The following TMEM38B variants were observed in gnomAD, a reference collection of about 807,000 sequenced individuals.
The protein encoded by TMEM38B is transmembrane protein 38B, also known as trimeric intracellular cation channel type B.
In TMEM38B, 24 loss-of-function variants were observed where a neutral mutation model predicts 28.7. The observed-to-expected ratio is 0.84, with a 90% CI of 0.61 to 1.18. The LOEUF is 1.18. Ranked by LOEUF, TMEM38B falls within the 50% of genes most tolerant of loss-of-function variation. The pLI is 0.00. For missense variants in TMEM38B, 380 were observed against 350.9 expected, an observed-to-expected ratio of 1.08 and a Z score of -0.66; for synonymous variants, 131 against 127.7, an observed-to-expected ratio of 1.03 and a Z score of -0.17.
At chr9:105,718,368 A>T (rs1836188435) in intron 2 of TMEM38B, among the ~76,000 whole-genome samples, 1 of 151,750 alleles carries the variant, frequency 6.6e-6, no homozygotes, top group Non-Finnish European at 1.5e-5. Context: ...CCTCCCAAGT[A>T]GCTGGGATTA....
chr9:105,758,271 C>G lies in TMEM38B; in HGVS notation c.660+10081C>G, dbSNP rs538387827. On this transcript the variant is annotated intron_variant, in intron 5 of 5. Coordinates refer to ENST00000374692, the MANE Select transcript of TMEM38B (RefSeq NM_018112.3). The stretch of plus-strand genomic sequence containing the variant: ...TACTTTACCAGTGTGGACACTGAGG[C>G]TCACAGACGTTAAATCCTTCTAAAG... 4 of 674,812 alleles carry G rather than the reference C, an allele frequency of 5.9e-6. No individual in the cohort carries two copies. In the East Asian group the frequency reaches 1.0e-4, roughly 17 times the overall value. The allele number at this position is 674,812 out of a possible 1,614,324, so 41.8% of individuals were successfully genotyped here. A position where few individuals can be genotyped will look rare whatever the true frequency, so the allele number is the denominator to read the frequency against.
In TMEM38B at chr9:105,738,715, C is replaced by CTTT. The variant is rs71489351; in HGVS notation, c.543-9339_543-9337dup. ...CAGATCCATATGAGTTAATTTTTTC[C>CTTT]TTTTTTTTTTTTTTTTTTTTTGAGA... On this transcript the variant is annotated intron_variant, in intron 4 of 5. Coordinates refer to ENST00000374692, the MANE Select transcript of TMEM38B (RefSeq NM_018112.3). Among the ~76,000 whole-genome samples, 27 of 109,658 alleles carry CTTT rather than the reference C, an allele frequency of 2.5e-4. 1 individual carries two copies. The highest frequency in any genetic ancestry group is 3.1e-4 in the South Asian group (1 of 3,270). 71.9% of individuals were successfully genotyped at this position (109,658 alleles called of 152,430 possible).
Position 105,758,247 on chromosome 9 carries a change from A to G in TMEM38B, c.660+10057A>G, listed in dbSNP as rs979033686. The G allele has an allele frequency of 2.1e-5, 14 of 665,154 alleles. No individual in the cohort carries two copies. The Admixed American group carries it at 2.9e-4, about 14-fold the overall frequency. The allele number at this position is 665,154 out of a possible 1,614,324, so 41.2% of individuals were successfully genotyped here. A position where few individuals can be genotyped will look rare whatever the true frequency, so the allele number is the denominator to read the frequency against. ...CAGGCGGGCATGTATTATTCGTCCT[A>G]CTTTACCAGTGTGGACACTGAGGCT... On this transcript the variant is annotated intron_variant, in intron 5 of 5. Coordinates refer to ENST00000374692, the MANE Select transcript of TMEM38B (RefSeq NM_018112.3).
intron 2 of TMEM38B, among the ~76,000 whole-genome samples, chr9:105,709,671 G>C (rs17281274): frequency 0.19 from 29,605 of 152,172 alleles, 2,961 homozygotes; most frequent in Middle Eastern, 0.31. Context: ...CTCTTAGCTG[G>C]ATGTCGAATA....
Position 105,694,623 on chromosome 9 carries a change from A to G in TMEM38B, c.-38A>G, listed in dbSNP as rs1564380346. 2 of 1,568,158 alleles carry G rather than the reference A, an allele frequency of 1.3e-6. No homozygotes were observed. The highest frequency in any genetic ancestry group is 2.2e-5 in the South Asian group (2 of 90,084). ...CACCGCGCGAGCGCGGGGAACCAGTAGCCGCGGCTGCTTCGGTTGCCGCGG... is the reference window on the plus strand; with the variant it reads ...CACCGCGCGAGCGCGGGGAACCAGTGGCCGCGGCTGCTTCGGTTGCCGCGG... On this transcript the variant is annotated 5_prime_UTR_variant, in exon 1 of 6. Transcript: ENST00000374692.
intron 2 of TMEM38B, 27 bp from the exon 3 acceptor site, chr9:105,721,510 A>T: frequency 1.3e-6 from 2 of 1,502,834 alleles, no homozygotes; most frequent in Non-Finnish European, 1.8e-6. Context: ...CCATTAATAT[A>T]TTAAAATGTT....
rs114094068 is a variant in TMEM38B at position 105,759,121 on chromosome 9, C to T, written c.660+10931C>T. 1.4e-3 allele frequency: 1,133 copies of T among 781,754 alleles called. 16 individuals carry two copies. The African/African-American group carries it at 0.017, about 12-fold the overall frequency. The allele number at this position is 781,754 out of a possible 1,614,324, so 48.4% of individuals were successfully genotyped here. A position where few individuals can be genotyped will look rare whatever the true frequency, so the allele number is the denominator to read the frequency against. ...CCAAGAAGTGATGATACGAATAATC[C>T]AACTTATGTTGGATTTGAACAAGAT... is the stretch of plus-strand genomic sequence containing the variant. On this transcript the variant is annotated intron_variant, in intron 5 of 5. Transcript: ENST00000374692.
chr9:105,747,283 T>C (rs1396147256), intron 4 of TMEM38B, among the ~76,000 whole-genome samples: 13 of 152,318 alleles, frequency 8.5e-5, no homozygotes, highest in African/African-American at 2.6e-4. Flanking sequence ...AGAGATTCAA[T>C]TTCTTCCTGG....
chr9:105,762,545 A>G (rs1464154241), intron 5 of TMEM38B, among the ~76,000 whole-genome samples: 1 of 147,604 alleles, frequency 6.8e-6, no homozygotes, highest in African/African-American at 2.5e-5. Flanking sequence ...ACTGAGAATG[A>G]TGATTTCCAA....
chr9:105,730,460 G>T (rs975732971), intron 4 of TMEM38B, among the ~76,000 whole-genome samples: 2 of 152,114 alleles, frequency 1.3e-5, no homozygotes. Context: ...TGTGCTGCTG[G>T]ATTTGGTTTG....
intron 5 of TMEM38B, chr9:105,758,898 T>C: frequency 1.7e-6 from 2 of 1,154,584 alleles, no homozygotes; most frequent in South Asian, 1.2e-5. Flanking sequence ...AATTTGGAGA[T>C]ATGTTATTCT....
At chr9:105,738,577 GTTTC>G (rs1837069273) in intron 4 of TMEM38B, among the ~76,000 whole-genome samples, 2 of 151,840 alleles carry the variant, frequency 1.3e-5, no homozygotes, top group Non-Finnish European at 2.9e-5. Flanking sequence ...CTATTTTCTT[GTTTC>G]TTATGCTTTT....
At chr9:105,734,999 G>T (rs1836918900) in intron 4 of TMEM38B, among the ~76,000 whole-genome samples, 1 of 150,492 alleles carries the variant, frequency 6.6e-6, no homozygotes, top group Non-Finnish European at 1.5e-5. Context: ...TAGATCCTTT[G>T]TTCCTTTCTT....
At chr9:105,747,991 A>G in intron 4 of TMEM38B, 82 bp from the exon 5 acceptor site, 2 of 878,082 alleles carry the variant, frequency 2.3e-6, no homozygotes, top group Non-Finnish European at 3.7e-6. Context: ...CATTAAGTTA[A>G]TGTTTTGCAG....
At chr9:105,733,581 G>A (rs1300911831) in intron 4 of TMEM38B, among the ~76,000 whole-genome samples, 1 of 152,000 alleles carries the variant, frequency 6.6e-6, no homozygotes, top group Non-Finnish European at 1.5e-5. Flanking sequence ...ATTCAGCTGT[G>A]AAGCCATCTA....
chr9:105,758,350 T>C, intron 5 of TMEM38B: 1 of 948,932 alleles, frequency 1.1e-6, no homozygotes, highest in Admixed American at 1.7e-5. Context: ...GGTATGGCGA[T>C]CTTACATGGA....
At chr9:105,720,961 C>T (rs1836296270) in intron 2 of TMEM38B, among the ~76,000 whole-genome samples, 1 of 152,076 alleles carries the variant, frequency 6.6e-6, no homozygotes, top group South Asian at 2.1e-4. Context: ...TAAAGAACAG[C>T]TTCATATTCT....
intron 1 of TMEM38B, among the ~76,000 whole-genome samples, chr9:105,699,371 A>C (rs572189945): frequency 3.9e-5 from 6 of 152,132 alleles, no homozygotes; most frequent in Non-Finnish European, 8.8e-5. Context: ...TGTAATTCTC[A>C]TATATCCTAC....
chr9:105,765,400 A>T (rs1307915300), intron 5 of TMEM38B, among the ~76,000 whole-genome samples: 1 of 152,180 alleles, frequency 6.6e-6, no homozygotes, highest in East Asian at 1.9e-4. Flanking sequence ...GTACATTTTG[A>T]TGAGTTTTGA....
Sources: gnomAD v4.1 joint callset for allele counts (sites outside exome capture counted in the v4.1 genomes callset) on GRCh38, gnomAD v4.1.1 for gene constraint, MANE v1.5 for transcripts, NCBI Gene and HGNC (gene_info 2026-07-23, HGNC 2026-07-21) for gene names.